The following FBXO4 variants were observed in gnomAD, a reference collection of about 807,000 sequenced individuals.
FBXO4 encodes the protein F-box only protein 4.
A neutral mutation model predicts 43.7 loss-of-function variants in FBXO4; 36 were observed. That is an observed-to-expected ratio of 0.82 (90% CI 0.63 to 1.09). The LOEUF is 1.09. FBXO4 is among the 50% of genes least tolerant of loss of function. The pLI, the probability that FBXO4 is intolerant of heterozygous loss-of-function variation, is 0.00. For missense variants in FBXO4, 435 were observed against 474.1 expected, an observed-to-expected ratio of 0.92 and a Z score of 0.77; for synonymous variants, 180 against 165.6, an observed-to-expected ratio of 1.09 and a Z score of -0.67.
chr5:41,967,727 C>A, the FBXO4 span: 1 of 622,628 alleles, frequency 1.6e-6, no homozygotes. Flanking sequence ...TGAAAGCCAT[C>A]AACATCCTTA....
the FBXO4 span, among the ~76,000 whole-genome samples, chr5:41,966,638 C>A: frequency 6.6e-6 from 1 of 152,170 alleles, no homozygotes; most frequent in East Asian, 1.9e-4. Flanking sequence ...TCTACTTAGA[C>A]AGACCTGGTT....
At chr5:41,959,862 T>C in the FBXO4 span, among the ~76,000 whole-genome samples, 1 of 152,168 alleles carries the variant, frequency 6.6e-6, no homozygotes, top group Admixed American at 6.5e-5. Context: ...TGGTTTCATA[T>C]AAATTTTAGG....
At chr5:41,929,978 A>G (rs1751632485) in intron 3 of FBXO4, 61 bp downstream of exon 3, 2 of 1,298,424 alleles carry the variant, frequency 1.5e-6, no homozygotes, top group Non-Finnish European at 2.1e-6. Flanking sequence ...TCTTGTTAAA[A>G]AGAAAGAAAT....
the FBXO4 span, among the ~76,000 whole-genome samples, chr5:42,018,350 G>A: frequency 6.6e-6 from 1 of 151,702 alleles, no homozygotes; most frequent in African/African-American, 2.4e-5. Context: ...GTCATGAATG[G>A]CACAGAAAAA....
intron 2 of FBXO4, 109 bp from the exon 3 acceptor site, chr5:41,929,588 T>C: frequency 1.3e-6 from 1 of 762,736 alleles, no homozygotes; most frequent in East Asian, 2.7e-5. Context: ...TGGGACTATA[T>C]AATCATTGTA....
chr5:41,954,839 T>C, the FBXO4 span, among the ~76,000 whole-genome samples: 3 of 152,226 alleles, frequency 2.0e-5, no homozygotes, highest in Non-Finnish European at 4.4e-5. Context: ...TGCTGAAAGA[T>C]AAAACATAGA....
At chr5:42,020,756 G>A in the FBXO4 span, among the ~76,000 whole-genome samples, 3 of 152,276 alleles carry the variant, frequency 2.0e-5, no homozygotes, top group African/African-American at 7.2e-5. Context: ...CGGCAGTATG[G>A]CCTCCACTAG....
chr5:41,960,451 A>G, the FBXO4 span, among the ~76,000 whole-genome samples: 4 of 152,134 alleles, frequency 2.6e-5, no homozygotes, highest in Non-Finnish European at 4.4e-5. Flanking sequence ...AAAACTTTCA[A>G]CTTTTCACCA....
At chr5:41,991,971 G>C in the FBXO4 span, among the ~76,000 whole-genome samples, 1 of 152,090 alleles carries the variant, frequency 6.6e-6, no homozygotes, top group Non-Finnish European at 1.5e-5. Context: ...CCAGCTACTC[G>C]GGAGGCTGAG....
intron 5 of FBXO4, among the ~76,000 whole-genome samples, chr5:41,937,082 G>T (rs1250021044): frequency 1.3e-5 from 2 of 152,050 alleles, no homozygotes; most frequent in Non-Finnish European, 2.9e-5. Context: ...AAACATGAAG[G>T]GAGAGAGAAA....
the FBXO4 span, chr5:41,967,581 T>G: frequency 8.9e-7 from 1 of 1,117,904 alleles, no homozygotes; most frequent in Non-Finnish European, 1.3e-6. Flanking sequence ...ATTACAACAT[T>G]TTTTGACCTT....
chr5:41,990,092 A>G, the FBXO4 span, among the ~76,000 whole-genome samples: 1 of 152,172 alleles, frequency 6.6e-6, no homozygotes, highest in Admixed American at 6.5e-5. Flanking sequence ...TACATTCATA[A>G]TTTCAATATA....
chr5:42,006,941 TATATATACATGAC>T, the FBXO4 span, among the ~76,000 whole-genome samples: 62 of 138,628 alleles, frequency 4.5e-4, no homozygotes, highest in Non-Finnish European at 6.6e-4. Context: ...CATACATACA[TATATATACATGAC>T]ATATATACAT....
the FBXO4 span, among the ~76,000 whole-genome samples, chr5:41,947,518 G>C: frequency 6.6e-6 from 1 of 152,242 alleles, no homozygotes; most frequent in Non-Finnish European, 1.5e-5. Flanking sequence ...AGTGTATTTT[G>C]TGGAAGTTAA....
At position 41,939,634 on chromosome 5, in the gene FBXO4, CTAG is replaced by C; in HGVS notation, c.1074+20_1074+22del. The stretch of plus-strand genomic sequence containing the variant: ...CATGGCTGGTAAGATCATTTATACT[CTAG>C]TGACAAAAATTTTATTTTGCACTCT... On this transcript the variant is annotated intron_variant, in intron 6 of 6. Coordinates refer to ENST00000281623, the MANE Select transcript of FBXO4 (RefSeq NM_012176.3). 6.4e-7 allele frequency: 1 copy of C among 1,553,784 alleles called. No homozygotes were observed. Among genetic ancestry groups the C allele is most frequent in the Middle Eastern group, 1.8e-4 (1 of 5,696 alleles).
the FBXO4 span, among the ~76,000 whole-genome samples, chr5:41,976,715 G>C: frequency 6.6e-6 from 1 of 152,180 alleles, no homozygotes; most frequent in African/African-American, 2.4e-5. Flanking sequence ...GTACCTGCAG[G>C]TTTTCCAGGC....
intron 5 of FBXO4, chr5:41,934,726 A>G (rs981848631): frequency 2.9e-6 from 3 of 1,025,966 alleles, no homozygotes; most frequent in Admixed American, 5.0e-5. Context: ...GCAAATAACT[A>G]TGAAAAATTT....
At chr5:42,003,888 G>C in the FBXO4 span, among the ~76,000 whole-genome samples, 2 of 152,024 alleles carry the variant, frequency 1.3e-5, no homozygotes, top group Admixed American at 1.3e-4. Context: ...TATACCCAAA[G>C]AATTATAAAT....
At chr5:41,943,344 A>G (rs548369571), downstream of FBXO4, among the ~76,000 whole-genome samples, 27 of 152,258 alleles carry the variant, frequency 1.8e-4, no homozygotes, top group South Asian at 3.9e-3. Context: ...GTTGAGAATG[A>G]CCTAACCCAA....
Sources: gnomAD v4.1 joint callset for allele counts (sites outside exome capture counted in the v4.1 genomes callset) on GRCh38, gnomAD v4.1.1 for gene constraint, MANE v1.5 for transcripts, NCBI Gene and HGNC (gene_info 2026-07-23, HGNC 2026-07-21) for gene names.